The following ZNF821 variants were observed in gnomAD, a reference collection of about 807,000 sequenced individuals.
ZNF821 encodes the protein zinc finger protein 821.
ZNF821 carries 16 observed loss-of-function variants against 44.3 expected under a neutral mutation model. The ratio of observed to expected loss-of-function variants is 0.36; its 90% CI spans 0.24 to 0.55. The LOEUF (loss-of-function observed/expected upper bound fraction) is 0.55. ZNF821 is among the 20% of genes least tolerant of loss of function. The pLI, the probability that ZNF821 is intolerant of heterozygous loss-of-function variation, is 0.86. For synonymous variants in ZNF821, 204 were observed against 197.6 expected (o/e 1.03, Z -0.27); for missense variants, 436 against 547.6 (o/e 0.80, Z 2.03).
In ZNF821 at chr16:71,880,203, A is replaced by G. The variant is rs543876321; in HGVS notation, c.-77-180T>C. On this transcript the variant is annotated intron_variant, in intron 2 of 7. Coordinates refer to ENST00000425432, the MANE Select transcript of ZNF821 (RefSeq NM_001201552.2). ...ATCTCTAGCCTAACGTCAAGGTCCCAGAAAGTTTAAGAGGGGACTCCCTCA... is the reference window on the plus strand; with the variant it reads ...ATCTCTAGCCTAACGTCAAGGTCCCGGAAAGTTTAAGAGGGGACTCCCTCA... 430 of 403,118 alleles carry G rather than the reference A, an allele frequency of 1.1e-3. 4 individuals carry two copies. Among genetic ancestry groups the G allele is most frequent in the Middle Eastern group, 2.6e-3 (4 of 1,522 alleles). 25.0% of individuals were successfully genotyped at this position (403,118 alleles called of 1,614,324 possible). A position where few individuals can be genotyped will look rare whatever the true frequency, so the allele number is the denominator to read the frequency against.
intron 7 of ZNF821, among the ~76,000 whole-genome samples, chr16:71,861,212 T>C (rs2033845710): frequency 2.0e-5 from 3 of 152,192 alleles, no homozygotes; most frequent in Non-Finnish European, 1.5e-5. Flanking sequence ...GCCACAGCAA[T>C]GCACCAGAAA....
intron 6 of ZNF821, among the ~76,000 whole-genome samples, chr16:71,863,734 G>A (rs1354595833): frequency 6.6e-6 from 1 of 151,752 alleles, no homozygotes; most frequent in Non-Finnish European, 1.5e-5. Flanking sequence ...GTCTAACTCT[G>A]TCACCCAGGC....
intron 2 of ZNF821, among the ~76,000 whole-genome samples, chr16:71,882,618 G>A (rs2036546457): frequency 1.3e-5 from 2 of 152,140 alleles, no homozygotes; most frequent in Non-Finnish European, 2.9e-5. Context: ...GGTACCCAAT[G>A]GGACTTCACA....
At chr16:71,871,555 A>G (rs2035195306) in intron 3 of ZNF821, among the ~76,000 whole-genome samples, 1 of 152,212 alleles carries the variant, frequency 6.6e-6, no homozygotes, top group Admixed American at 6.5e-5. Context: ...TGATCTATGG[A>G]GATACTAGTG....
upstream of ZNF821, among the ~76,000 whole-genome samples, chr16:71,884,970 G>C (rs970971789): frequency 6.6e-6 from 1 of 150,702 alleles, no homozygotes; most frequent in African/African-American, 2.4e-5. Flanking sequence ...CGATTCTCGT[G>C]CTTCAGCCTC....
At chr16:71,893,990 G>A (rs1272046770) in intron 1 of ZNF821, 1 of 151,980 alleles carries the variant, frequency 6.6e-6, no homozygotes, top group Admixed American at 6.6e-5. Flanking sequence ...ATGTTGGTCA[G>A]GCTGGTCTTG....
intron 3 of ZNF821, among the ~76,000 whole-genome samples, chr16:71,875,316 C>T (rs975339716): frequency 1.3e-5 from 2 of 152,270 alleles, no homozygotes; most frequent in Admixed American, 1.3e-4. Flanking sequence ...GAGTCTCACT[C>T]CGTCGCCCAG....
intron 2 of ZNF821, among the ~76,000 whole-genome samples, chr16:71,880,881 C>T (rs1234918401): frequency 1.3e-5 from 2 of 152,168 alleles, no homozygotes; most frequent in Non-Finnish European, 2.9e-5. Context: ...CCAAGACATG[C>T]ATCTGCTCCC....
intron 3 of ZNF821, among the ~76,000 whole-genome samples, chr16:71,868,903 C>A (rs569183220): frequency 6.6e-6 from 1 of 152,248 alleles, no homozygotes; most frequent in South Asian, 2.1e-4. Context: ...ACCTCATGAT[C>A]CGCCCGCCTC....
chr16:71,871,888 A>G (rs554337347), intron 3 of ZNF821, among the ~76,000 whole-genome samples: 2 of 151,770 alleles, frequency 1.3e-5, no homozygotes, highest in South Asian at 2.1e-4. Flanking sequence ...CTGGAGTGCA[A>G]TGGCGCAATC....
At chr16:71,883,074 A>G (rs1423641340) in intron 2 of ZNF821, 137 bp downstream of exon 2, 2 of 456,064 alleles carry the variant, frequency 4.4e-6, no homozygotes, top group African/African-American at 2.0e-5. Context: ...GTCCTCGGGA[A>G]GGTGCAACGT....
At chr16:71,868,593 T>C (rs568826112) in intron 3 of ZNF821, among the ~76,000 whole-genome samples, 160 of 152,356 alleles carry the variant, frequency 1.1e-3, no homozygotes, top group Admixed American at 3.4e-3. Context: ...TTCTTTATAA[T>C]GTTTATCATA....
At chr16:71,878,775 CA>C (rs1373852941) in intron 3 of ZNF821, among the ~76,000 whole-genome samples, 12 of 151,866 alleles carry the variant, frequency 7.9e-5, no homozygotes, top group South Asian at 2.1e-4. Flanking sequence ...ACTAAAAATA[CA>C]AAAAAATTAG....
At chr16:71,892,178 C>CAGAA (rs2036889918) in intron 1 of ZNF821, among the ~76,000 whole-genome samples, 1 of 31,938 alleles carries the variant, frequency 3.1e-5, no homozygotes, top group African/African-American at 8.7e-5. Flanking sequence ...AACTCCGTCT[C>CAGAA]AAAAAAAAAA....
intron 2 of ZNF821, chr16:71,881,329 G>A (rs1300439303): frequency 6.6e-6 from 1 of 152,114 alleles, no homozygotes; most frequent in African/African-American, 2.4e-5. Context: ...AAAGAATAAA[G>A]AAACCGCAAA....
chr16:71,895,004 G>A (rs2036932996), exon 1 of ZNF821: 1 of 604,654 alleles, frequency 1.7e-6, no homozygotes, highest in African/African-American at 1.9e-5. Context: ...TTAAAAGCGG[G>A]GCGGGGGAAC....
chr16:71,877,695 G>C (rs1227419507), intron 3 of ZNF821, among the ~76,000 whole-genome samples: 1 of 151,890 alleles, frequency 6.6e-6, no homozygotes, highest in Non-Finnish European at 1.5e-5. Flanking sequence ...GAGGTGGGTA[G>C]GTCACTTGAG....
At chr16:71,887,420 C>T (rs760386462), upstream of ZNF821, among the ~76,000 whole-genome samples, 19 of 152,034 alleles carry the variant, frequency 1.2e-4, no homozygotes, top group Non-Finnish European at 1.6e-4. Flanking sequence ...CCACCACGCC[C>T]GGCTAATTTT....
chr16:71,882,799 T>C (rs2036569757), intron 2 of ZNF821, among the ~76,000 whole-genome samples: 1 of 152,078 alleles, frequency 6.6e-6, no homozygotes, highest in Admixed American at 6.6e-5. Context: ...CAAAGCAAGA[T>C]CTCAGAGGCC....
Sources: gnomAD v4.1 joint callset for allele counts (sites outside exome capture counted in the v4.1 genomes callset) on GRCh38, gnomAD v4.1.1 for gene constraint, MANE v1.5 for transcripts, NCBI Gene and HGNC (gene_info 2026-07-23, HGNC 2026-07-21) for gene names.